Variants in POLI observed in about 807,000 individuals in gnomAD.
POLI encodes the protein DNA polymerase iota, also known as RAD30 homolog B.
Under a neutral mutation model 51.6 loss-of-function variants are expected in POLI, and 58 were observed. The ratio of observed to expected loss-of-function variants is 1.12; its 90% CI spans 0.91 to 1.40. The LOEUF (loss-of-function observed/expected upper bound fraction) is 1.40. POLI is among the 40% of genes most tolerant of loss of function. The pLI, the probability that POLI is intolerant of heterozygous loss-of-function variation, is 0.00. For synonymous variants in POLI, 322 were observed against 299.7 expected (o/e 1.07, Z -0.77); for missense variants, 921 against 871.3 (o/e 1.06, Z -0.72).
rs2088278639 is a variant in POLI at position 54,295,503 on chromosome 18, T to C, written c.*1036T>C. On this transcript the variant is annotated 3_prime_UTR_variant, in exon 10 of 10. Coordinates refer to ENST00000579534, the MANE Select transcript of POLI (RefSeq NM_007195.3). ...ATCCCTCAGCACCAATATGGGAGTA[T>C]CCTGGTCTCAAGTTTATAATTTTTG... The C allele has an allele frequency of 2.1e-6, 2 of 943,312 alleles. No individual in the cohort carries two copies. The highest frequency in any genetic ancestry group is 6.2e-5 in the Admixed American group (1 of 16,234). The allele number at this position is 943,312 out of a possible 1,614,324, so 58.4% of individuals were successfully genotyped here.
rs747562226 is a variant in POLI, at chr18:54,269,582, C to T, written c.36C>T (p.Gly12=). The T allele has an allele frequency of 1.3e-5, 19 of 1,415,580 alleles. No homozygotes were observed. The highest frequency in any genetic ancestry group is 1.2e-4 in the African/African-American group (4 of 32,530). The allele number at this position is 1,415,580 out of a possible 1,614,324, so 87.7% of individuals were successfully genotyped here. A position where few individuals can be genotyped will look rare whatever the true frequency, so the allele number is the denominator to read the frequency against. The part of the protein sequence containing the change: ...EKLGVEPEEE[G]GGDDDEEDAE... Reference sequence around the variant, plus strand: ...TGGGGGTGGAGCCGGAGGAGGAAGGCGGCGGCGACGACGACGAGGAAGACG... The same window carrying T: ...TGGGGGTGGAGCCGGAGGAGGAAGGTGGCGGCGACGACGACGAGGAAGACG... The change falls in exon 1 of 10, where the codon GGC becomes GGT. Residue 12 remains glycine (G), a synonymous_variant. Coordinates refer to ENST00000579534, the MANE Select transcript of POLI (RefSeq NM_007195.3).
chr18:54,311,247 T>C (rs1192041027), intron 3 of POLI, among the ~76,000 whole-genome samples: 1 of 152,140 alleles, frequency 6.6e-6, no homozygotes, highest in Admixed American at 6.6e-5. Context: ...ATCTACCTCT[T>C]GGCACACAAG....
chr18:54,271,152 T>C, intron 1 of POLI: 1 of 354,892 alleles, frequency 2.8e-6, no homozygotes, highest in Middle Eastern at 4.1e-4. Context: ...AAAAACGCAG[T>C]GCACAAACAG....
In POLI at chr18:54,297,810, T is replaced by G; in HGVS notation, c.*3343T>G. On this transcript the variant is annotated 3_prime_UTR_variant, in exon 10 of 10. Coordinates refer to ENST00000579534, the MANE Select transcript of POLI (RefSeq NM_007195.3). ...ACAAGTTCTTTATTAAATCTCCAAA[T>G]TGGATATTATTAGTATTTTATATAG... The G allele has an allele frequency of 2.1e-6, 2 of 957,612 alleles. No individual in the cohort carries two copies. The highest frequency in any genetic ancestry group is 2.5e-6 in the Non-Finnish European group (2 of 804,434). The allele number at this position is 957,612 out of a possible 1,614,324, so 59.3% of individuals were successfully genotyped here. A position where few individuals can be genotyped will look rare whatever the true frequency, so the allele number is the denominator to read the frequency against.
At chr18:54,299,008 T>C (rs1016239753), downstream of POLI, among the ~76,000 whole-genome samples, 1 of 152,170 alleles carries the variant, frequency 6.6e-6, no homozygotes, top group Admixed American at 6.6e-5. Context: ...CCATTGTAAA[T>C]TGAAAATATC....
At chr18:54,279,347 A>G (rs1385165928) in intron 4 of POLI, among the ~76,000 whole-genome samples, 1 of 150,956 alleles carries the variant, frequency 6.6e-6, no homozygotes, top group Non-Finnish European at 1.5e-5. Flanking sequence ...GGTTCAAGCA[A>G]TTCTCCTGCT....
Position 54,296,251 on chromosome 18 carries a change from T to C in POLI, c.*1784T>C. 6.1e-6 allele frequency: 6 copies of C among 985,344 alleles called. No homozygotes were observed. Among genetic ancestry groups the C allele is most frequent in the Non-Finnish European group, 7.2e-6 (6 of 829,882 alleles). The allele number at this position is 985,344 out of a possible 1,614,324, so 61.0% of individuals were successfully genotyped here. On this transcript the variant is annotated 3_prime_UTR_variant, in exon 10 of 10. Coordinates refer to ENST00000579534, the MANE Select transcript of POLI (RefSeq NM_007195.3). ...AGAAAAAATGGCTAAGAAAACAAAG[T>C]AAATGGTTTTGGCCAGCTTAAAAAG...
At position 54,271,481 on chromosome 18, in the gene POLI, T is replaced by G. The variant is rs1201527142; in HGVS notation, c.237T>G (p.Pro79=). Residue 79 remains proline (P), a synonymous_variant, in exon 2 of 10, where the codon CCT becomes CCG. Coordinates refer to ENST00000579534, the MANE Select transcript of POLI (RefSeq NM_007195.3). Reference sequence around the variant, plus strand: ...CAAATCCAGAGCTAAAAGACAAACCTTTAGGTAACTGTAGATTTATAATAT... The same window carrying G: ...CAAATCCAGAGCTAAAAGACAAACCGTTAGGTAACTGTAGATTTATAATAT... ...MISNPELKDK[P]LGVQQKYLVV... 2 of 1,586,842 alleles carry G rather than the reference T, an allele frequency of 1.3e-6. No individual in the cohort carries two copies. The highest frequency in any genetic ancestry group is 1.7e-6 in the Non-Finnish European group (2 of 1,161,482).
intron 1 of POLI, 152 bp downstream of exon 1, chr18:54,269,813 A>T: frequency 7.3e-7 from 1 of 1,365,732 alleles, no homozygotes; most frequent in Non-Finnish European, 9.4e-7. Flanking sequence ...GCCTTGTGTT[A>T]CGCGGCGGGT....
chr18:54,287,197 C>T (rs1599215455), intron 7 of POLI, 84 bp from the exon 8 acceptor site: 2 of 952,574 alleles, frequency 2.1e-6, no homozygotes, highest in East Asian at 2.8e-5. Context: ...CAAAATCTGG[C>T]ACCTTTAGAT....
At chr18:54,275,330 A>G (rs567081090) in intron 3 of POLI, among the ~76,000 whole-genome samples, 2 of 148,982 alleles carry the variant, frequency 1.3e-5, no homozygotes, top group South Asian at 4.4e-4. Flanking sequence ...CTTGTCTCTA[A>G]AAAAGAAAGA....
intron 7 of POLI, among the ~76,000 whole-genome samples, chr18:54,286,570 A>C (rs2087756786): frequency 6.6e-6 from 1 of 152,172 alleles, no homozygotes; most frequent in Admixed American, 6.5e-5. Flanking sequence ...AAAGTTTGAA[A>C]AAAGTTCTTT....
At chr18:54,307,536 G>C (rs1417079621) in intron 3 of POLI, among the ~76,000 whole-genome samples, 1 of 152,164 alleles carries the variant, frequency 6.6e-6, no homozygotes, top group Non-Finnish European at 1.5e-5. Context: ...AGTGCGATGT[G>C]GTGCTGAGAA....
chr18:54,306,820 G>A (rs2088594128), intron 3 of POLI, among the ~76,000 whole-genome samples: 1 of 152,252 alleles, frequency 6.6e-6, no homozygotes, highest in East Asian at 1.9e-4. Flanking sequence ...TATGTGTCCA[G>A]GAATTTATCC....
Position 54,297,678 on chromosome 18 carries a change from A to T in POLI, c.*3211A>T. 1.0e-6 allele frequency: 1 copy of T among 973,960 alleles called. No homozygotes were observed. Among genetic ancestry groups the T allele is most frequent in the Non-Finnish European group, 1.2e-6 (1 of 819,522 alleles). 60.3% of individuals were successfully genotyped at this position (973,960 alleles called of 1,614,324 possible). On this transcript the variant is annotated 3_prime_UTR_variant, in exon 10 of 10. Transcript: ENST00000579534. Reference sequence around the variant, plus strand: ...TATATTTTCCCTTTACTGATTTGGAATGTGAATGTTACAAGTCCTTTTGAT... The same window carrying T: ...TATATTTTCCCTTTACTGATTTGGATTGTGAATGTTACAAGTCCTTTTGAT...
downstream of POLI, among the ~76,000 whole-genome samples, chr18:54,302,782 C>T (rs2088515218): frequency 3.3e-5 from 5 of 152,178 alleles, no homozygotes; most frequent in Admixed American, 3.3e-4. Flanking sequence ...CACTACCCTT[C>T]CCAGCCTCTG....
chr18:54,287,218 T>A, intron 7 of POLI, 63 bp from the exon 8 acceptor site: 1 of 1,187,588 alleles, frequency 8.4e-7, no homozygotes, highest in Non-Finnish European at 1.2e-6. Flanking sequence ...AAATGAGATG[T>A]TACATAATTT....
chr18:54,280,849 C>G lies in POLI; in HGVS notation c.742C>G (p.Pro248Ala). The G allele has an allele frequency of 6.2e-7, 1 of 1,613,044 alleles. No individual in the cohort carries two copies. The highest frequency in any genetic ancestry group is 8.5e-7 in the Non-Finnish European group (1 of 1,179,240). The change falls in exon 5 of 10, where the codon CCT (proline) becomes GCT (alanine). Residue 248 changes from proline to alanine, a missense_variant. By Grantham distance (27) the Pro-to-Ala change is conservative. Transcript: ENST00000579534. ...ACCAAATCAACAAACAGTCTTATTA[C>G]CTGAAAGTTGTCAACATCTTATTCA... ...FKPNQQTVLLPESCQHLIHSL... is the reference protein window; with the variant it reads ...FKPNQQTVLLAESCQHLIHSL...
rs1568122709 is a variant in POLI at position 54,277,826 on chromosome 18, C to G, written c.530C>G (p.Thr177Ser). 1 of 1,612,826 alleles carries G rather than the reference C, an allele frequency of 6.2e-7. No individual in the cohort carries two copies. Among genetic ancestry groups the G allele is most frequent in the Non-Finnish European group, 8.5e-7 (1 of 1,179,186 alleles). The part of the protein sequence containing the change: ...QLQSDELSAV[T>S]VSGHVYNNQS... ...CAAAGTGATGAACTTTCTGCGGTGACTGTGTCGGGTCATGTATACAATAAT... is the reference window on the plus strand; with the variant it reads ...CAAAGTGATGAACTTTCTGCGGTGAGTGTGTCGGGTCATGTATACAATAAT... Residue 177 changes from threonine (T) to serine (S), a missense_variant, in exon 4 of 10, where the codon ACT (threonine) becomes AGT (serine). Coordinates refer to ENST00000579534, the MANE Select transcript of POLI (RefSeq NM_007195.3).
Sources: allele counts gnomAD v4.1 joint callset (sites outside exome capture counted in the v4.1 genomes callset), GRCh38; gene constraint gnomAD v4.1.1; transcripts MANE v1.5; gene names NCBI Gene and HGNC (gene_info 2026-07-23, HGNC 2026-07-21).